The following A2ML1 variants were observed in gnomAD, a reference collection of about 807,000 sequenced individuals.
A2ML1 encodes the protein alpha-2-macroglobulin-like protein 1.
A neutral mutation model predicts 181.9 loss-of-function variants in A2ML1; 161 were observed. The observed-to-expected ratio is 0.89, with a 90% confidence interval of 0.78 to 1.01. A2ML1 has a LOEUF of 1.01. Ranked by LOEUF, A2ML1 falls within the 50% of genes least tolerant of loss-of-function variation. The pLI is 0.00. For missense variants in A2ML1, 1,670 were observed against 1,768.1 expected (o/e 0.94, Z 1.00); for synonymous variants, 663 against 666.8 (o/e 0.99, Z 0.09).
At chr12:8,827,125 G>C (rs1942954894) in intron 3 of A2ML1, among the ~76,000 whole-genome samples, 1 of 152,042 alleles carries the variant, frequency 6.6e-6, no homozygotes, top group South Asian at 2.1e-4. Flanking sequence ...CAAATCACCT[G>C]AGATGAGTAT....
chr12:8,839,455 G>A (rs1051450681), intron 10 of A2ML1, among the ~76,000 whole-genome samples: 6 of 152,136 alleles, frequency 3.9e-5, no homozygotes, highest in Non-Finnish European at 5.9e-5. Context: ...ACAAATAGAT[G>A]GGAACTATGA....
At chr12:8,883,132 G>T (rs1944885747) in intron 7 of A2ML1, among the ~76,000 whole-genome samples, 2 of 151,932 alleles carry the variant, frequency 1.3e-5, no homozygotes, top group African/African-American at 2.4e-5. Flanking sequence ...CTCTGGCAAG[G>T]CTTCCTTAAG....
rs1944519649 is a variant in A2ML1, at chr12:8,868,758, A to T, written c.4152+131A>T. The T allele has an allele frequency of 6.2e-6, 4 of 647,264 alleles. No homozygotes were observed. The South Asian group carries it at 8.0e-5, about 13-fold the overall frequency. 40.1% of individuals were successfully genotyped at this position (647,264 alleles called of 1,614,324 possible). A position where few individuals can be genotyped will look rare whatever the true frequency, so the allele number is the denominator to read the frequency against. ...ACAAGGCATGTATATACATACATAT[A>T]TATGTATGTATATGTATGTACACTT... is the stretch of plus-strand genomic sequence containing the variant. On this transcript the variant is annotated intron_variant, in intron 32 of 35. Transcript: ENST00000299698.
chr12:8,835,751 C>A (rs973793006), intron 6 of A2ML1, 85 bp downstream of exon 6: 6 of 1,543,072 alleles, frequency 3.9e-6, no homozygotes, highest in Non-Finnish European at 5.3e-6. Context: ...CAGTGGCTCA[C>A]GCCTGTAATC....
rs934024389 is a variant in A2ML1 at position 8,843,312 on chromosome 12, T to A, written c.1427T>A (p.Ile476Asn). 6.8e-6 allele frequency: 11 copies of A among 1,613,852 alleles called. No individual in the cohort carries two copies. The highest frequency in any genetic ancestry group is 9.3e-6 in the Non-Finnish European group (11 of 1,180,038). Residue 476 changes from isoleucine (I) to asparagine (N), a missense_variant, in exon 12 of 36, where the codon ATC becomes AAC. Ile to Asn is a moderately radical substitution (Grantham distance 149). Transcript: ENST00000299698. ...QPQEVLVDYY[I>N]DPADASPDQE... ...CAGGAAGTGCTGGTGGATTATTACATCGACCCGGCCGATGCAAGCCCTGAC... is the reference window on the plus strand; with the variant it reads ...CAGGAAGTGCTGGTGGATTATTACAACGACCCGGCCGATGCAAGCCCTGAC...
intron 2 of A2ML1, 168 bp from the exon 3 acceptor site, chr12:8,823,552 C>A: frequency 9.3e-7 from 1 of 1,072,024 alleles, no homozygotes. Context: ...GGATTTCTCC[C>A]TTTAGTTCCT....
chr12:8,872,783 C>CAAA (rs570693086), intron 33 of A2ML1, among the ~76,000 whole-genome samples: 1,042 of 68,618 alleles, frequency 0.015, 24 homozygotes, highest in African/African-American at 0.045. Context: ...GACTCCATCT[C>CAAA]AAAAAAAAAA....
intron 33 of A2ML1, among the ~76,000 whole-genome samples, chr12:8,870,868 A>G (rs1032013470): frequency 8.5e-5 from 13 of 152,196 alleles, no homozygotes; most frequent in Non-Finnish European, 1.8e-4. Context: ...CAAATCTGCC[A>G]GTTGGCTTCT....
At position 8,855,696 on chromosome 12, in the gene A2ML1, A is replaced by C. The variant is rs745414448; in HGVS notation, c.2848+104A>C. 3 of 1,035,052 alleles carry C rather than the reference A, an allele frequency of 2.9e-6. No homozygotes were observed. In the African/African-American group the frequency reaches 4.8e-5, roughly 17 times the overall value. 64.1% of individuals were successfully genotyped at this position (1,035,052 alleles called of 1,614,324 possible). A position where few individuals can be genotyped will look rare whatever the true frequency, so the allele number is the denominator to read the frequency against. ...CGGACCTATCCGGAGAGTGTAACTA[A>C]TAACAAGTGATGAAGGAAAAAGAGC... is the stretch of plus-strand genomic sequence containing the variant. On this transcript the variant is annotated intron_variant, in intron 23 of 35. Coordinates refer to ENST00000299698, the MANE Select transcript of A2ML1 (RefSeq NM_144670.6).
intron 20 of A2ML1, 99 bp from the exon 21 acceptor site, chr12:8,854,029 A>C: frequency 2.8e-6 from 4 of 1,408,064 alleles, no homozygotes; most frequent in Non-Finnish European, 3.8e-6. Flanking sequence ...CTGTTGCAAG[A>C]TCCCCATTAA....
intron 14 of A2ML1, among the ~76,000 whole-genome samples, chr12:8,846,561 T>G (rs1455275610): frequency 6.6e-6 from 1 of 152,096 alleles, no homozygotes; most frequent in African/African-American, 2.4e-5. Context: ...TTTAATTAGC[T>G]GGGTGTGCAG....
intron 34 of A2ML1, among the ~76,000 whole-genome samples, chr12:8,874,755 A>G (rs1944748104): frequency 6.6e-6 from 1 of 152,176 alleles, no homozygotes; most frequent in African/African-American, 2.4e-5. Flanking sequence ...AATGTGAACC[A>G]TTGTTCTCAA....
intron 29 of A2ML1, among the ~76,000 whole-genome samples, chr12:8,867,374 A>G (rs7305213): frequency 0.46 from 70,473 of 152,130 alleles, 17,098 homozygotes; most frequent in East Asian, 0.79. Flanking sequence ...CTGGCTGGGT[A>G]TGGTGGCTCA....
chr12:8,854,879 CAGG>C, intron 22 of A2ML1, 48 bp downstream of exon 22: 1 of 1,540,692 alleles, frequency 6.5e-7, no homozygotes. Context: ...CCTTAGAGGG[CAGG>C]AGATTTTCTT....
chr12:8,869,333 T>G, intron 33 of A2ML1, 130 bp downstream of exon 33: 1 of 878,654 alleles, frequency 1.1e-6, no homozygotes, highest in African/African-American at 1.7e-5. Context: ...CACCATGCCA[T>G]GAGTTCTGCC....
chr12:8,832,987 T>TTTTTG (rs1409763230), intron 4 of A2ML1, among the ~76,000 whole-genome samples: 1 of 151,298 alleles, frequency 6.6e-6, no homozygotes, highest in African/African-American at 2.4e-5. Context: ...TCCTTTTTTT[T>TTTTTG]TTTTGAGACG....
intron 33 of A2ML1, among the ~76,000 whole-genome samples, chr12:8,869,816 T>A (rs1457877713): frequency 6.6e-6 from 1 of 152,198 alleles, no homozygotes. Context: ...GTAAAATGTG[T>A]GTGGGTAGGG....
At position 8,845,977 on chromosome 12, in the gene A2ML1, T is replaced by C. The variant is rs1282750397; in HGVS notation, c.1538-100T>C. 12 of 1,336,026 alleles carry C rather than the reference T, an allele frequency of 9.0e-6. No individual in the cohort carries two copies. The East Asian group carries it at 2.3e-4, about 26-fold the overall frequency. The allele number at this position is 1,336,026 out of a possible 1,614,324, so 82.8% of individuals were successfully genotyped here. The stretch of plus-strand genomic sequence containing the variant: ...GAAAAATGAGAAGTAACTTGCACCA[T>C]GGTGCCTGCACTGGCTCAGTGAAAA... On this transcript the variant is annotated intron_variant, in intron 13 of 35. Coordinates refer to ENST00000299698, the MANE Select transcript of A2ML1 (RefSeq NM_144670.6).
chr12:8,860,463 G>A (rs947517054), intron 26 of A2ML1, among the ~76,000 whole-genome samples: 11 of 152,260 alleles, frequency 7.2e-5, no homozygotes, highest in African/African-American at 2.2e-4. Flanking sequence ...AGCAGGGAAG[G>A]TCTCACCTAA....
Sources: gnomAD v4.1 joint callset for allele counts (sites outside exome capture counted in the v4.1 genomes callset) on GRCh38, gnomAD v4.1.1 for gene constraint, MANE v1.5 for transcripts, NCBI Gene and HGNC (gene_info 2026-07-23, HGNC 2026-07-21) for gene names.